The following HTRA3 variants were observed in gnomAD, a reference collection of about 807,000 sequenced individuals.
The protein encoded by HTRA3 is HtrA serine peptidase 3.
Under a neutral mutation model 43.2 loss-of-function variants are expected in HTRA3, and 41 were observed. The ratio of observed to expected loss-of-function variants is 0.95; its 90% CI spans 0.74 to 1.23. The LOEUF is 1.23. Ranked by LOEUF, HTRA3 falls within the 50% of genes most tolerant of loss-of-function variation. The probability of loss-of-function intolerance (pLI) is 0.00; values close to 1 mark genes in which losing one functional copy is unlikely to be tolerated. For synonymous variants in HTRA3, 295 were observed against 287.9 expected, an observed-to-expected ratio of 1.02 and a Z score of -0.25; for missense variants, 628 against 647.1, an observed-to-expected ratio of 0.97 and a Z score of 0.32.
chr4:8,286,882 A>G lies in HTRA3; in HGVS notation c.708+99A>G, dbSNP rs537787079. The G allele has an allele frequency of 2.6e-4, 242 of 918,278 alleles. 1 individual carries two copies. The highest frequency in any genetic ancestry group is 1.1e-3 in the Middle Eastern group (4 of 3,574). The allele number at this position is 918,278 out of a possible 1,614,324, so 56.9% of individuals were successfully genotyped here. On this transcript the variant is annotated intron_variant, in intron 3 of 8. Coordinates refer to ENST00000307358, the MANE Select transcript of HTRA3 (RefSeq NM_053044.5). The surrounding 1 kb of genome is among the most constrained non-coding windows in gnomAD (Gnocchi z 4.9). The stretch of plus-strand genomic sequence containing the variant: ...CAGAGGCAAGCTAGCCCCACCTTCC[A>G]TCAGCCAGGGGGAGGAAACTGGGCC...
intron 6 of HTRA3, among the ~76,000 whole-genome samples, chr4:8,301,119 T>A (rs1391927735): frequency 6.6e-6 from 1 of 151,106 alleles, no homozygotes; most frequent in Non-Finnish European, 1.5e-5. Context: ...ACTCTCAGCT[T>A]TATTGAGTCA....
chr4:8,303,215 A>G (rs1713724313), intron 7 of HTRA3, among the ~76,000 whole-genome samples: 1 of 152,182 alleles, frequency 6.6e-6, no homozygotes, highest in African/African-American at 2.4e-5. Flanking sequence ...TAGCACACAG[A>G]GCCCTGGCCT....
At chr4:8,275,100 C>T (rs1712465728) in intron 1 of HTRA3, among the ~76,000 whole-genome samples, 1 of 152,210 alleles carries the variant, frequency 6.6e-6, no homozygotes, top group Non-Finnish European at 1.5e-5. Flanking sequence ...GGACTTGGAA[C>T]TGCCGGCAGA....
In HTRA3 at chr4:8,286,488, C is replaced by A; in HGVS notation, c.486-73C>A. 8.2e-7 allele frequency: 1 copy of A among 1,217,202 alleles called. No homozygotes were observed. The highest frequency in any genetic ancestry group is 1.2e-6 in the Non-Finnish European group (1 of 830,928). The allele number at this position is 1,217,202 out of a possible 1,614,324, so 75.4% of individuals were successfully genotyped here. On this transcript the variant is annotated intron_variant, in intron 2 of 8. Coordinates refer to ENST00000307358, the MANE Select transcript of HTRA3 (RefSeq NM_053044.5). This position sits in a 1 kb window ranked among gnomAD's most constrained non-coding sequence, Gnocchi z 4.9. ...ACTGGCTCTGCTCCTCGCTGACCAG[C>A]CCCACCACTGCGCCTGACTCCCCCG...
Position 8,270,344 on chromosome 4 carries a change from T to C in HTRA3, c.376T>C (p.Cys126Arg). 7.0e-7 allele frequency: 1 copy of C among 1,419,702 alleles called. No individual in the cohort carries two copies. Among genetic ancestry groups the C allele is most frequent in the East Asian group, 3.0e-5 (1 of 33,576 alleles). The allele number at this position is 1,419,702 out of a possible 1,614,324, so 87.9% of individuals were successfully genotyped here. The change falls in exon 1 of 9, where the codon TGC (cysteine) becomes CGC (arginine). Residue 126 changes from cysteine (C) to arginine (R), a missense_variant. Coordinates refer to ENST00000307358, the MANE Select transcript of HTRA3 (RefSeq NM_053044.5). The stretch of plus-strand genomic sequence containing the variant: ...CGTGCGCCAGCTGCAGAAGGGCGCC[T>C]GCCCGTTGGGTAAGCGCTCGGGGGC... ...TPVRQLQKGA[C>R]PLGLHQLSSP...
In HTRA3 at chr4:8,286,622, G is replaced by C; in HGVS notation, c.547G>C (p.Ala183Pro). The C allele has an allele frequency of 6.2e-7, 1 of 1,614,202 alleles. No homozygotes were observed. The highest frequency in any genetic ancestry group is 1.1e-5 in the South Asian group (1 of 91,084). ...CGGTTCTGGCTTCATCATGTCAGAG[G>C]CCGGCCTGATCATCACCAATGCCCA... The part of the protein sequence containing the change: ...SSGSGFIMSE[A>P]GLIITNAHVV... Residue 183 changes from alanine (A) to proline (P), a missense_variant, in exon 3 of 9, where the codon GCC becomes CCC. Physicochemically the swap from Ala to Pro is conservative, Grantham distance 27. Coordinates refer to ENST00000307358, the MANE Select transcript of HTRA3 (RefSeq NM_053044.5). This position sits in a 1 kb window ranked among gnomAD's most constrained non-coding sequence, Gnocchi z 4.9.
At position 8,270,025 on chromosome 4, in the gene HTRA3, GC is replaced by G; in HGVS notation, c.62del (p.Pro21LeufsTer113). The G allele has an allele frequency of 7.5e-7, 1 of 1,334,232 alleles. No individual in the cohort carries two copies. Among genetic ancestry groups the G allele is most frequent in the Non-Finnish European group, 9.5e-7 (1 of 1,048,440 alleles). The allele number at this position is 1,334,232 out of a possible 1,614,324, so 82.6% of individuals were successfully genotyped here. A position where few individuals can be genotyped will look rare whatever the true frequency, so the allele number is the denominator to read the frequency against. ...ALAALALARE[P>X]PAAPCPARCD... ...TGGCCGCGCTGGCGCTGGCCCGGGA[GC>G]CCCCTGCGGCGCCGTGTCCCGCGCG... On this transcript the variant is annotated frameshift_variant, in exon 1 of 9. Coordinates refer to ENST00000307358, the MANE Select transcript of HTRA3 (RefSeq NM_053044.5). LOFTEE classifies it high-confidence loss of function.
intron 1 of HTRA3, among the ~76,000 whole-genome samples, chr4:8,274,073 C>T (rs1712417731): frequency 6.6e-6 from 1 of 152,198 alleles, no homozygotes; most frequent in African/African-American, 2.4e-5. Flanking sequence ...CTGCAGGCTT[C>T]CTTGCAAGGC....
intron 1 of HTRA3, 151 bp from the exon 2 acceptor site, chr4:8,282,285 TC>T (rs761682230): frequency 3.4e-5 from 22 of 639,530 alleles, no homozygotes; most frequent in Non-Finnish European, 5.9e-5. Context: ...TGGTAGGGGG[TC>T]CCCAACGGGC....
chr4:8,286,940 G>A lies in HTRA3; in HGVS notation c.708+157G>A, dbSNP rs2153005369. Among the ~76,000 whole-genome samples the A allele has an allele frequency of 1.3e-5, 2 of 152,306 alleles. No individual in the cohort carries two copies. The highest frequency in any genetic ancestry group is 4.1e-4 in the South Asian group (2 of 4,826). Reference sequence around the variant, plus strand: ...GACTGGCAGCTGGCCCAGGGTCACGGCTTGGAAAAGACCTAGAACCCAGGT... The same window carrying A: ...GACTGGCAGCTGGCCCAGGGTCACGACTTGGAAAAGACCTAGAACCCAGGT... On this transcript the variant is annotated intron_variant, in intron 3 of 8. Coordinates refer to ENST00000307358, the MANE Select transcript of HTRA3 (RefSeq NM_053044.5). The surrounding 1 kb of genome is among the most constrained non-coding windows in gnomAD (Gnocchi z 4.9).
At chr4:8,305,850 A>C (rs2153007608) in intron 8 of HTRA3, 121 bp from the exon 9 acceptor site, 1 of 1,078,906 alleles carries the variant, frequency 9.3e-7, no homozygotes, top group Non-Finnish European at 1.4e-6. Context: ...GTTCTTTCCC[A>C]TCGAGATGAC....
intron 2 of HTRA3, among the ~76,000 whole-genome samples, chr4:8,284,721 TG>T: frequency 6.6e-6 from 1 of 152,074 alleles, no homozygotes; most frequent in East Asian, 1.9e-4. Context: ...CCGTGTGGGG[TG>T]GCCAAGTGGC....
At chr4:8,290,154 A>T (rs1050649050) in intron 3 of HTRA3, among the ~76,000 whole-genome samples, 16 of 152,228 alleles carry the variant, frequency 1.1e-4, no homozygotes, top group African/African-American at 3.9e-4. Flanking sequence ...CATTGACTGA[A>T]GCTTCTTGAG....
rs1341691908 is a variant in HTRA3 at position 8,270,008 on chromosome 4, C to G, written c.40C>G (p.Leu14Val). ...RALLLAALAA[L>V]ALAREPPAAP... is the part of the protein sequence containing the mutation. ...GCTGCTCCTGGCCGCGTTGGCCGCG[C>G]TGGCGCTGGCCCGGGAGCCCCCTGC... is the stretch of plus-strand genomic sequence containing the variant. The change falls in exon 1 of 9, where the codon CTG becomes GTG. Residue 14 changes from leucine to valine, a missense_variant. Coordinates refer to ENST00000307358, the MANE Select transcript of HTRA3 (RefSeq NM_053044.5). 7.8e-7 allele frequency: 1 copy of G among 1,280,150 alleles called. No individual in the cohort carries two copies. The highest frequency in any genetic ancestry group is 9.8e-7 in the Non-Finnish European group (1 of 1,019,458). The allele number at this position is 1,280,150 out of a possible 1,614,324, so 79.3% of individuals were successfully genotyped here.
Position 8,276,399 on chromosome 4 carries a change from C to T in HTRA3, c.386-6038C>T, listed in dbSNP as rs749957171. On this transcript the variant is annotated intron_variant, in intron 1 of 8. Transcript: ENST00000307358. ...GTGAAGAAAGGATGGCAGGTGGACGCGTCTTACAGAAGTGGAGTTAGTGAG... is the reference window on the plus strand; with the variant it reads ...GTGAAGAAAGGATGGCAGGTGGACGTGTCTTACAGAAGTGGAGTTAGTGAG... Among the ~76,000 whole-genome samples the T allele has an allele frequency of 7.2e-5, 11 of 152,172 alleles. 1 individual carries two copies. Among genetic ancestry groups the T allele is most frequent in the East Asian group, 5.8e-4 (3 of 5,198 alleles).
chr4:8,287,480 G>T (rs181969058), intron 3 of HTRA3, among the ~76,000 whole-genome samples: 373 of 152,322 alleles, frequency 2.4e-3, no homozygotes, highest in South Asian at 4.1e-3. Context: ...TGACCAGGAG[G>T]CCTCAGGAGA....
intron 1 of HTRA3, among the ~76,000 whole-genome samples, chr4:8,273,060 C>A (rs1199432968): frequency 6.6e-6 from 1 of 152,220 alleles, no homozygotes; most frequent in Non-Finnish European, 1.5e-5. Context: ...TTCCCAGGCA[C>A]CACAGATGTG....
intron 8 of HTRA3, 32 bp downstream of exon 8, chr4:8,304,311 A>C: frequency 1.3e-6 from 2 of 1,577,852 alleles, no homozygotes; most frequent in Non-Finnish European, 1.7e-6. Flanking sequence ...CGCTCGAGGC[A>C]TGGGGCAGGC....
chr4:8,286,557 G>A lies in HTRA3; in HGVS notation c.486-4G>A. 6.2e-7 allele frequency: 1 copy of A among 1,613,012 alleles called. No individual in the cohort carries two copies. Among genetic ancestry groups the A allele is most frequent in the Non-Finnish European group, 8.5e-7 (1 of 1,179,710 alleles). On this transcript the variant is annotated splice_region_variant and splice_polypyrimidine_tract_variant and intron_variant, in intron 2 of 8. Coordinates refer to ENST00000307358, the MANE Select transcript of HTRA3 (RefSeq NM_053044.5). This position sits in a 1 kb window ranked among gnomAD's most constrained non-coding sequence, Gnocchi z 4.9. Reference sequence around the variant, plus strand: ...AATGCCCGCCTGTGTCTCCCTGGCTGCAGACACCCGCTGTTTGGCCGCAAC... The same window carrying A: ...AATGCCCGCCTGTGTCTCCCTGGCTACAGACACCCGCTGTTTGGCCGCAAC...
Sources: allele counts gnomAD v4.1 joint callset (sites outside exome capture counted in the v4.1 genomes callset), GRCh38; gene constraint gnomAD v4.1.1; non-coding constraint Gnocchi (gnomAD v3.1); transcripts MANE v1.5; gene names NCBI Gene and HGNC (gene_info 2026-07-23, HGNC 2026-07-21).